The following ARID1B variants were observed in gnomAD, a reference collection of about 807,000 sequenced individuals.
The protein encoded by ARID1B is AT-rich interaction domain 1B.
A neutral mutation model predicts 212.3 loss-of-function variants in ARID1B; 30 were observed. The ratio of observed to expected loss-of-function variants is 0.14; its 90% confidence interval spans 0.11 to 0.19. The LOEUF is 0.19. ARID1B is among the 10% of genes least tolerant of loss of function. ARID1B has a pLI of 1.00. For missense variants in ARID1B, 2,891 were observed against 3,204.0 expected (o/e 0.90, Z 2.36); for synonymous variants, 1,402 against 1,301.7 (o/e 1.08, Z -1.66).
At chr6:157,088,026 T>C (rs1294342613) in intron 5 of ARID1B, among the ~76,000 whole-genome samples, 3 of 152,352 alleles carry the variant, frequency 2.0e-5, no homozygotes, top group East Asian at 1.9e-4. Flanking sequence ...AAGTTAACAA[T>C]AGATGCAGTA....
chr6:157,109,498 C>T (rs1040703911), intron 5 of ARID1B, among the ~76,000 whole-genome samples: 1 of 152,132 alleles, frequency 6.6e-6, no homozygotes, highest in Non-Finnish European at 1.5e-5. Context: ...TAGCATGGTC[C>T]TCATGTCACG....
chr6:157,132,187 G>C (rs1210696937), intron 6 of ARID1B, among the ~76,000 whole-genome samples: 3 of 152,194 alleles, frequency 2.0e-5, no homozygotes, highest in African/African-American at 7.2e-5. Flanking sequence ...GTAGAAATAA[G>C]GAAGAAGTAC....
At chr6:157,098,481 A>C (rs1785813365) in intron 5 of ARID1B, among the ~76,000 whole-genome samples, 2 of 152,196 alleles carry the variant, frequency 1.3e-5, no homozygotes, top group South Asian at 4.1e-4. Context: ...GCTATTGCAA[A>C]GGGTGTGTTT....
intron 1 of ARID1B, 52 bp from the exon 2 acceptor site, chr6:156,829,175 C>A (rs1782963062): frequency 3.4e-6 from 5 of 1,464,766 alleles, no homozygotes; most frequent in Non-Finnish European, 4.7e-6. Context: ...CAAATTTGTG[C>A]CTTTGTAATA....
chr6:157,082,919 G>C (rs1017316359), intron 4 of ARID1B, among the ~76,000 whole-genome samples: 1 of 152,154 alleles, frequency 6.6e-6, no homozygotes. Flanking sequence ...ATTAGGTTCT[G>C]TCAGGTATAC....
At chr6:157,071,811 T>G (rs888505763) in intron 4 of ARID1B, 1 of 152,204 alleles carries the variant, frequency 6.6e-6, no homozygotes, top group East Asian at 1.9e-4. Context: ...ATGTCTGAAT[T>G]TATTTGTTCG....
chr6:156,829,241 TCCA>T lies in ARID1B; in HGVS notation c.1807_1809del (p.Pro603del). ...TGTCTTCACAGGGCAGCCCAATGGATCCAATGGTGATGAAGAGACCTCAGTTGT... is the reference window on the plus strand; with the variant it reads ...TGTCTTCACAGGGCAGCCCAATGGATATGGTGATGAAGAGACCTCAGTTGT... On this transcript the variant is annotated inframe_deletion, in exon 2 of 20. Transcript: ENST00000636930. 1 of 1,613,912 alleles carries T rather than the reference TCCA, an allele frequency of 6.2e-7. No homozygotes were observed. Among genetic ancestry groups the T allele is most frequent in the Non-Finnish European group, 8.5e-7 (1 of 1,179,886 alleles).
intron 1 of ARID1B, among the ~76,000 whole-genome samples, chr6:156,813,881 C>T (rs1054285247): frequency 3.9e-5 from 6 of 152,032 alleles, no homozygotes; most frequent in African/African-American, 7.3e-5. Context: ...TGGAATAGCA[C>T]GAGAAGTTCA....
chr6:157,049,150 G>A (rs1197012533), intron 4 of ARID1B, among the ~76,000 whole-genome samples: 2 of 148,138 alleles, frequency 1.4e-5, no homozygotes, highest in African/African-American at 5.0e-5. Context: ...TTCAGCCTGG[G>A]TGACAGAGCA....
At chr6:157,171,431 T>C (rs1453532375) in intron 9 of ARID1B, among the ~76,000 whole-genome samples, 1 of 152,214 alleles carries the variant, frequency 6.6e-6, no homozygotes, top group Non-Finnish European at 1.5e-5. Context: ...GGAGAAGAAA[T>C]AGTGCCCCTG....
Position 157,106,279 on chromosome 6 carries a change from A to C in ARID1B, c.2492-4193A>C, listed in dbSNP as rs543725447. Among the ~76,000 whole-genome samples the C allele has an allele frequency of 2.0e-5, 3 of 152,302 alleles. No homozygotes were observed. In the East Asian group the frequency reaches 5.8e-4, roughly 29 times the overall value. ...TACCAGCTTAAAACAAGGCACATTC[A>C]TTATCTCTGTTCCCCTGGCAGAGAG... On this transcript the variant is annotated intron_variant, in intron 5 of 19. Transcript: ENST00000636930.
At chr6:156,842,797 A>G (rs547757741) in intron 2 of ARID1B, among the ~76,000 whole-genome samples, 8 of 152,318 alleles carry the variant, frequency 5.3e-5, no homozygotes, top group African/African-American at 1.9e-4. Context: ...AACCCTTTTC[A>G]TATATCATTT....
chr6:157,053,230 C>T (rs935623282), intron 4 of ARID1B, among the ~76,000 whole-genome samples: 6 of 152,204 alleles, frequency 3.9e-5, no homozygotes, highest in African/African-American at 1.4e-4. Flanking sequence ...GGATTACAGG[C>T]GCCTACCGCT....
At chr6:156,822,717 TG>T (rs1197971826) in intron 1 of ARID1B, among the ~76,000 whole-genome samples, 2 of 152,204 alleles carry the variant, frequency 1.3e-5, no homozygotes, top group Non-Finnish European at 2.9e-5. Context: ...TCTGCAGGTG[TG>T]TACAGCAGCT....
Position 157,039,795 on chromosome 6 carries a change from T to C in ARID1B, c.2248-44867T>C, listed in dbSNP as rs999997735. Among the ~76,000 whole-genome samples the C allele has an allele frequency of 1.2e-4, 17 of 139,960 alleles. 1 individual carries two copies. The highest frequency in any genetic ancestry group is 1.2e-3 in the Admixed American group (17 of 14,210). The allele number at this position is 139,960 out of a possible 152,430, so 91.8% of individuals were successfully genotyped here. ...TACCTACCTTCCTTCCTTCCTTCCTTCTTTCTTTCTCTTTCTTTCTTTTTC... is the reference window on the plus strand; with the variant it reads ...TACCTACCTTCCTTCCTTCCTTCCTCCTTTCTTTCTCTTTCTTTCTTTTTC... On this transcript the variant is annotated intron_variant, in intron 4 of 19. Coordinates refer to ENST00000636930, the MANE Select transcript of ARID1B (RefSeq NM_001374828.1).
intron 4 of ARID1B, among the ~76,000 whole-genome samples, chr6:157,067,805 T>G (rs1783772003): frequency 6.6e-6 from 1 of 152,170 alleles, no homozygotes; most frequent in Non-Finnish European, 1.5e-5. Flanking sequence ...GTCTTGTCCC[T>G]TTTTTCCGCC....
intron 7 of ARID1B, among the ~76,000 whole-genome samples, chr6:157,146,387 A>T (rs1789724022): frequency 6.6e-6 from 1 of 152,192 alleles, no homozygotes; most frequent in South Asian, 2.1e-4. Flanking sequence ...CAGGCAGTGC[A>T]GAGGCTCACC....
intron 4 of ARID1B, among the ~76,000 whole-genome samples, chr6:157,064,657 C>A (rs2128415066): frequency 6.6e-6 from 1 of 152,334 alleles, no homozygotes; most frequent in Non-Finnish European, 1.5e-5. Flanking sequence ...GCTGCTGCAC[C>A]TGACGAGTGT....
chr6:156,911,029 A>G (rs949821718), intron 3 of ARID1B, among the ~76,000 whole-genome samples: 21 of 152,244 alleles, frequency 1.4e-4, no homozygotes, highest in Non-Finnish European at 2.4e-4. Flanking sequence ...ACTACTTTAG[A>G]AGACTTGTGA....
Sources: gnomAD v4.1 joint callset for allele counts (sites outside exome capture counted in the v4.1 genomes callset) on GRCh38, gnomAD v4.1.1 for gene constraint, MANE v1.5 for transcripts, NCBI Gene and HGNC (gene_info 2026-07-23, HGNC 2026-07-21) for gene names.